Variants in CRYBG3 observed in about 807,000 individuals in gnomAD.
CRYBG3 encodes the protein very large A-kinase anchor protein.
A neutral mutation model predicts 244.2 loss-of-function variants in CRYBG3; 127 were observed. The observed-to-expected ratio is 0.52, with a 90% CI of 0.45 to 0.60. The LOEUF is 0.60. Ranked by LOEUF, CRYBG3 falls within the 20% of genes least tolerant of loss-of-function variation. The pLI, the probability that CRYBG3 is intolerant of heterozygous loss-of-function variation, is 0.00. For synonymous variants in CRYBG3, 1,132 were observed against 1,195.8 expected, an observed-to-expected ratio of 0.95 and a Z score of 1.10; for missense variants, 3,325 against 3,442.5, an observed-to-expected ratio of 0.97 and a Z score of 0.85.
At chr3:97,838,451 G>A (rs1205232962) in intron 1 of CRYBG3, among the ~76,000 whole-genome samples, 1 of 152,102 alleles carries the variant, frequency 6.6e-6, no homozygotes, top group South Asian at 2.1e-4. Context: ...CTGGGGTAAA[G>A]GGTGATTTGT....
At chr3:97,889,126 C>A (rs2039542910) in intron 9 of CRYBG3, among the ~76,000 whole-genome samples, 1 of 152,116 alleles carries the variant, frequency 6.6e-6, no homozygotes, top group African/African-American at 2.4e-5. Flanking sequence ...GAAAGTGTAT[C>A]CTTAAGATTT....
chr3:97,911,122 T>C (rs1190850577), intron 15 of CRYBG3, among the ~76,000 whole-genome samples: 1 of 152,190 alleles, frequency 6.6e-6, no homozygotes, highest in Non-Finnish European at 1.5e-5. Context: ...ACAGATCAAG[T>C]AAGGTCAGAG....
intron 17 of CRYBG3, among the ~76,000 whole-genome samples, chr3:97,916,378 G>T (rs541618369): frequency 6.6e-6 from 1 of 152,196 alleles, no homozygotes; most frequent in Admixed American, 6.5e-5. Context: ...TCACCTCTGA[G>T]GCCCATATTT....
rs2039394307 is a variant in CRYBG3 at position 97,877,500 on chromosome 3, G to A, written c.6306G>A (p.Glu2102=). 1 of 1,614,032 alleles carries A rather than the reference G, an allele frequency of 6.2e-7. No homozygotes were observed. Among genetic ancestry groups the A allele is most frequent in the Admixed American group, 1.7e-5 (1 of 60,000 alleles). ...CACAGGAGGACATTCTATCTAGTGA[G>A]GTTTCACCTGGTCACCATGGCCCCA... ...DSSQEDILSS[E]VSPGHHGPRK... The change falls in exon 4 of 22, where the codon GAG becomes GAA. Residue 2102 remains glutamate, a synonymous_variant. Transcript: ENST00000389622.
chr3:97,874,420 T>G lies in CRYBG3; in HGVS notation c.3226T>G (p.Ser1076Ala), dbSNP rs1371004293. 10 of 1,535,162 alleles carry G rather than the reference T, an allele frequency of 6.5e-6. No homozygotes were observed. The highest frequency in any genetic ancestry group is 8.7e-6 in the Non-Finnish European group (10 of 1,146,616). ...YPEEVSMIVN[S>A]HKPQNNLDSI... Reference sequence around the variant, plus strand: ...TGAAGAAGTTAGCATGATAGTAAATTCACATAAGCCCCAAAATAATTTGGA... The same window carrying G: ...TGAAGAAGTTAGCATGATAGTAAATGCACATAAGCCCCAAAATAATTTGGA... The change falls in exon 4 of 22, where the codon TCA becomes GCA. Residue 1076 changes from serine to alanine, a missense_variant. By Grantham distance (99) the Ser-to-Ala change is moderately conservative. This residue lies in a region of CRYBG3 where 1,526 missense variants were observed against 1,443.2 expected (regional missense o/e 1.06). Transcript: ENST00000389622.
At chr3:97,828,894 T>G (rs2038615485) in intron 1 of CRYBG3, among the ~76,000 whole-genome samples, 1 of 151,578 alleles carries the variant, frequency 6.6e-6, no homozygotes, top group Non-Finnish European at 1.5e-5. Flanking sequence ...TACAACTAAT[T>G]GTGTATAGTA....
chr3:97,852,617 T>C (rs748621948), intron 2 of CRYBG3, among the ~76,000 whole-genome samples: 1 of 152,202 alleles, frequency 6.6e-6, no homozygotes, highest in Non-Finnish European at 1.5e-5. Flanking sequence ...TTAGCTGTTG[T>C]AAATAGTGCT....
chr3:97,873,536 ATAGAG>A lies in CRYBG3; in HGVS notation c.2349_2353del (p.Glu784SerfsTer6), dbSNP rs2039331073. On this transcript the variant is annotated frameshift_variant, in exon 4 of 22. Transcript: ENST00000389622. LOFTEE classifies it high-confidence loss of function. The stretch of plus-strand genomic sequence containing the variant: ...AGTTCCATTTTATCTCAAGACCCTA[ATAGAG>A]TAGAGTTAGTGTCTTCAAACACTAA... The A allele has an allele frequency of 2.0e-6, 3 of 1,535,990 alleles. No individual in the cohort carries two copies. The highest frequency in any genetic ancestry group is 2.7e-5 in the African/African-American group (2 of 73,154).
At chr3:97,866,786 T>A (rs373971925) in intron 3 of CRYBG3, among the ~76,000 whole-genome samples, 18 of 152,188 alleles carry the variant, frequency 1.2e-4, no homozygotes, top group East Asian at 5.8e-4. Context: ...AAATAATAAC[T>A]TGTTAGTAGA....
intron 17 of CRYBG3, among the ~76,000 whole-genome samples, chr3:97,927,195 C>G (rs1159015999): frequency 6.6e-6 from 1 of 152,016 alleles, no homozygotes; most frequent in East Asian, 1.9e-4. Flanking sequence ...ACCAAAACAG[C>G]ATGATACTGG....
rs1429132496 is a variant in CRYBG3 at position 97,875,937 on chromosome 3, T to A, written c.4743T>A (p.Asn1581Lys). 1.0e-4 allele frequency: 126 copies of A among 1,231,940 alleles called. No individual in the cohort carries two copies. Among genetic ancestry groups the A allele is most frequent in the Non-Finnish European group, 1.3e-4 (126 of 987,946 alleles). The allele number at this position is 1,231,940 out of a possible 1,614,324, so 76.3% of individuals were successfully genotyped here. Residue 1581 changes from asparagine to lysine, a missense_variant, in exon 4 of 22, where the codon AAT (asparagine) becomes AAA (lysine). By Grantham distance (94) the Asn-to-Lys change is moderately conservative. Around this residue, in one of 4 missense-constraint regions of CRYBG3, gnomAD observed 635 missense variants for 771.7 expected, o/e 0.82. Coordinates refer to ENST00000389622, the MANE Select transcript of CRYBG3 (RefSeq NM_153605.4). ...GRIHKMDAELNVTKTEPKANV... is the reference protein window; with the variant it reads ...GRIHKMDAELKVTKTEPKANV... Reference sequence around the variant, plus strand: ...TACATAAAATGGATGCTGAATTGAATGTCACGAAAACTGAGCCAAAAGCTA... The same window carrying A: ...TACATAAAATGGATGCTGAATTGAAAGTCACGAAAACTGAGCCAAAAGCTA...
At chr3:97,932,933 A>G (rs1315095455) in intron 17 of CRYBG3, among the ~76,000 whole-genome samples, 4 of 152,076 alleles carry the variant, frequency 2.6e-5, no homozygotes, top group African/African-American at 9.7e-5. Flanking sequence ...GCTAAAAATA[A>G]TCTAGCTTTC....
chr3:97,825,730 G>A (rs912736490), intron 1 of CRYBG3, among the ~76,000 whole-genome samples: 1 of 152,188 alleles, frequency 6.6e-6, no homozygotes, highest in Non-Finnish European at 1.5e-5. Flanking sequence ...CACTCCCAGT[G>A]GAGAGTGATT....
In CRYBG3 at chr3:97,888,341, T is replaced by C. The variant is rs771428641; in HGVS notation, c.7290T>C (p.Val2430=). 14 of 1,572,826 alleles carry C rather than the reference T, an allele frequency of 8.9e-6. No homozygotes were observed. The East Asian group carries it at 2.9e-4, about 33-fold the overall frequency. Reference sequence around the variant, plus strand: ...TAACTAACTATCTATTTTTATATAGTTGGCTTGCCTACCCAGATATTAATT... The same window carrying C: ...TAACTAACTATCTATTTTTATATAGCTGGCTTGCCTACCCAGATATTAATT... The part of the protein sequence containing the change: ...KSVSFTVKSG[V]WLAYPDINFK... The change falls in exon 9 of 22, where the codon GTT becomes GTC. Residue 2430 remains valine (V), a splice_region_variant and synonymous_variant. Coordinates refer to ENST00000389622, the MANE Select transcript of CRYBG3 (RefSeq NM_153605.4).
chr3:97,860,826 A>G (rs975920837), intron 2 of CRYBG3, among the ~76,000 whole-genome samples: 18 of 151,564 alleles, frequency 1.2e-4, no homozygotes, highest in African/African-American at 4.1e-4. Flanking sequence ...TTTTTTTTCC[A>G]TAGGGATCTT....
At position 97,912,207 on chromosome 3, in the gene CRYBG3, T is replaced by C; in HGVS notation, c.8045T>C (p.Ile2682Thr). The C allele has an allele frequency of 6.2e-7, 1 of 1,607,760 alleles. No homozygotes were observed. The highest frequency in any genetic ancestry group is 8.5e-7 in the Non-Finnish European group (1 of 1,176,978). ...FSKPGFQGEC[I>T]DFTEETSDLT... The stretch of plus-strand genomic sequence containing the variant: ...AAACCAGGGTTCCAAGGTGAATGTA[T>C]AGATTTTACAGAAGAAACTTCTGAT... The change falls in exon 16 of 22, where the codon ATA becomes ACA. Residue 2682 changes from isoleucine (I) to threonine (T), a missense_variant. Physicochemically the swap from Ile to Thr is moderately conservative, Grantham distance 89 (BLOSUM62 -1). Around this residue, in one of 4 missense-constraint regions of CRYBG3, gnomAD observed 714 missense variants for 803.6 expected, o/e 0.89. Transcript: ENST00000389622.
At chr3:97,899,759 G>T (rs1425972978) in intron 14 of CRYBG3, among the ~76,000 whole-genome samples, 1 of 152,162 alleles carries the variant, frequency 6.6e-6, no homozygotes, top group African/African-American at 2.4e-5. Flanking sequence ...TTTCTAGGCA[G>T]AAAGGGCATT....
At chr3:97,936,149 C>T (rs1473545448) in intron 18 of CRYBG3, among the ~76,000 whole-genome samples, 1 of 152,066 alleles carries the variant, frequency 6.6e-6, no homozygotes, top group African/African-American at 2.4e-5. Context: ...CAGCCGTAGG[C>T]AATCCTTAAA....
At chr3:97,930,146 C>T (rs2040082288) in intron 17 of CRYBG3, among the ~76,000 whole-genome samples, 1 of 151,966 alleles carries the variant, frequency 6.6e-6, no homozygotes, top group Admixed American at 6.6e-5. Flanking sequence ...ATCATGTAAC[C>T]AGTAAATGCC....
Sources: gnomAD v4.1 joint callset for allele counts (sites outside exome capture counted in the v4.1 genomes callset) on GRCh38, gnomAD v4.1.1 for gene constraint, gnomAD v4.1.1 regional missense constraint, MANE v1.5 for transcripts, NCBI Gene and HGNC (gene_info 2026-07-23, HGNC 2026-07-21) for gene names.